RALGAPA1: variants seen among roughly 807,000 people sequenced by gnomAD.
RALGAPA1 encodes Ral GTPase activating protein catalytic subunit alpha 1.
RALGAPA1 carries 52 observed loss-of-function variants against 269.6 expected under a neutral mutation model. The observed-to-expected ratio is 0.19, with a 90% confidence interval of 0.15 to 0.24. RALGAPA1 has a LOEUF of 0.24. RALGAPA1 is among the 10% of genes least tolerant of loss of function. RALGAPA1 has a pLI of 1.00. For missense variants in RALGAPA1, 1,917 were observed against 3,013.9 expected, an observed-to-expected ratio of 0.64 and a Z score of 8.52; for synonymous variants, 817 against 1,008.3, an observed-to-expected ratio of 0.81 and a Z score of 3.60.
rs768850096 is a variant in RALGAPA1 at position 35,740,844 on chromosome 14, T to C, written c.1449+1524A>G. 3.3e-5 allele frequency among the ~76,000 whole-genome samples: 5 copies of C among 152,124 alleles called. No individual in the cohort carries two copies. In the South Asian group the frequency reaches 8.3e-4, roughly 25 times the overall value. Reference sequence around the variant, plus strand: ...AATAATAAATAAAATTAAAAACCCATTTACAATTATCTGAATTTATAACAT... The same window carrying C: ...AATAATAAATAAAATTAAAAACCCACTTACAATTATCTGAATTTATAACAT... On this transcript the variant is annotated intron_variant, in intron 11 of 41. Transcript: ENST00000680220.
At chr14:35,561,725 G>A (rs1429546018) in intron 39 of RALGAPA1, among the ~76,000 whole-genome samples, 17 of 151,906 alleles carry the variant, frequency 1.1e-4, no homozygotes, top group African/African-American at 3.9e-4. Flanking sequence ...GCCCAGGCTC[G>A]TCTTGAACTC....
chr14:35,773,682 T>C (rs1047259016), intron 3 of RALGAPA1, among the ~76,000 whole-genome samples: 2 of 152,186 alleles, frequency 1.3e-5, no homozygotes, highest in South Asian at 4.1e-4. Context: ...AATATTCCCC[T>C]TGTGAACAGT....
At chr14:35,624,502 G>A (rs1467781417) in intron 35 of RALGAPA1, among the ~76,000 whole-genome samples, 1 of 151,748 alleles carries the variant, frequency 6.6e-6, no homozygotes, top group Non-Finnish European at 1.5e-5. Context: ...AGTTTATTAA[G>A]AGGAACACGA....
chr14:35,787,067 T>C (rs186664474), intron 1 of RALGAPA1, among the ~76,000 whole-genome samples: 2 of 152,350 alleles, frequency 1.3e-5, no homozygotes, highest in Admixed American at 1.3e-4. Flanking sequence ...CATTTAGATA[T>C]GACTCTTCTC....
At chr14:35,566,933 G>A (rs1240573300) in intron 39 of RALGAPA1, among the ~76,000 whole-genome samples, 1 of 148,872 alleles carries the variant, frequency 6.7e-6, no homozygotes, top group Non-Finnish European at 1.5e-5. Context: ...GCATATGTAT[G>A]TATGTATTAA....
intron 26 of RALGAPA1, among the ~76,000 whole-genome samples, chr14:35,668,990 C>G (rs1052938284): frequency 1.3e-5 from 2 of 152,100 alleles, no homozygotes; most frequent in Non-Finnish European, 2.9e-5. Context: ...TCCTTGAACA[C>G]ATCTCACTCA....
chr14:35,674,443 G>T, intron 23 of RALGAPA1, 73 bp downstream of exon 23: 3 of 1,399,592 alleles, frequency 2.1e-6, no homozygotes, highest in Admixed American at 2.3e-5. Flanking sequence ...TGTCACAAAT[G>T]TTTTCTAAGG....
At chr14:35,730,071 G>C (rs1442341568) in intron 12 of RALGAPA1, among the ~76,000 whole-genome samples, 1 of 152,134 alleles carries the variant, frequency 6.6e-6, no homozygotes, top group African/African-American at 2.4e-5. Flanking sequence ...GTGCCCAAAC[G>C]GCAGAAGTGG....
intron 11 of RALGAPA1, among the ~76,000 whole-genome samples, chr14:35,739,648 G>T (rs778815056): frequency 9.2e-5 from 14 of 152,130 alleles, no homozygotes; most frequent in Admixed American, 3.9e-4. Context: ...GGTTGCAAAA[G>T]AAAGAAACTT....
At chr14:35,691,975 T>A (rs1463532147) in intron 17 of RALGAPA1, among the ~76,000 whole-genome samples, 3 of 152,152 alleles carry the variant, frequency 2.0e-5, no homozygotes, top group Admixed American at 2.0e-4. Flanking sequence ...CTTACAAACT[T>A]CACTTTGATG....
chr14:35,612,619 A>G (rs1231650741), intron 35 of RALGAPA1, among the ~76,000 whole-genome samples: 6 of 150,894 alleles, frequency 4.0e-5, no homozygotes, highest in Non-Finnish European at 8.9e-5. Flanking sequence ...GCTCACTGCA[A>G]GCTCCGCTTC....
chr14:35,694,951 A>C lies in RALGAPA1; in HGVS notation c.2408-4948T>G, dbSNP rs183819132. Among the ~76,000 whole-genome samples, 6 of 152,172 alleles carry C rather than the reference A, an allele frequency of 3.9e-5. No individual in the cohort carries two copies. In the East Asian group the frequency reaches 1.2e-3, roughly 29 times the overall value. ...AAAAATTAGCTAGGCATGGTGGCGG[A>C]CTTCTGTAGTCCCAGCTACTCGGGA... is the stretch of plus-strand genomic sequence containing the variant. On this transcript the variant is annotated intron_variant, in intron 17 of 41. Transcript: ENST00000680220.
At chr14:35,730,392 C>T (rs1471121392) in intron 12 of RALGAPA1, among the ~76,000 whole-genome samples, 1 of 152,186 alleles carries the variant, frequency 6.6e-6, no homozygotes, top group Non-Finnish European at 1.5e-5. Context: ...CTGGCCAGAA[C>T]TCAAAGGAGG....
intron 28 of RALGAPA1, 145 bp downstream of exon 28, chr14:35,658,993 T>A (rs1274414324): frequency 2.2e-6 from 1 of 449,202 alleles, no homozygotes; most frequent in Non-Finnish European, 3.8e-6. Context: ...AAAGTAAGAA[T>A]ACTTAATTAT....
chr14:35,566,026 G>A (rs2056669362), intron 39 of RALGAPA1, among the ~76,000 whole-genome samples: 1 of 151,962 alleles, frequency 6.6e-6, no homozygotes, highest in South Asian at 2.1e-4. Flanking sequence ...TACCTCTCTG[G>A]TCCAATGGTT....
chr14:35,709,516 G>A (rs1288035480), intron 16 of RALGAPA1, among the ~76,000 whole-genome samples: 3 of 151,548 alleles, frequency 2.0e-5, no homozygotes, highest in Admixed American at 6.6e-5. Context: ...CCCAACTTTC[G>A]GTTTTGTTGA....
At chr14:35,768,224 C>T (rs2074309335) in intron 4 of RALGAPA1, among the ~76,000 whole-genome samples, 1 of 152,126 alleles carries the variant, frequency 6.6e-6, no homozygotes, top group Non-Finnish European at 1.5e-5. Context: ...AGGCACATAC[C>T]AACAAGTGAG....
chr14:35,568,564 C>G (rs2056901472), intron 39 of RALGAPA1, among the ~76,000 whole-genome samples: 1 of 152,050 alleles, frequency 6.6e-6, no homozygotes, highest in African/African-American at 2.4e-5. Context: ...ATGTGTGGAC[C>G]TTATAAATGG....
intron 21 of RALGAPA1, among the ~76,000 whole-genome samples, chr14:35,682,489 G>T (rs1007669801): frequency 6.6e-6 from 1 of 152,022 alleles, no homozygotes; most frequent in Admixed American, 6.6e-5. Context: ...TGTATTTTTA[G>T]TAGAGATGGG....
Sources: gnomAD v4.1 joint callset for allele counts (sites outside exome capture counted in the v4.1 genomes callset) on GRCh38, gnomAD v4.1.1 for gene constraint, MANE v1.5 for transcripts, NCBI Gene and HGNC (gene_info 2026-07-23, HGNC 2026-07-21) for gene names.